The following NLRP7 variants were observed in gnomAD, a reference collection of about 807,000 sequenced individuals.
The protein encoded by NLRP7 is NACHT, LRR and PYD domains-containing protein 7.
In NLRP7, 72 loss-of-function variants were observed where a neutral mutation model predicts 85.5. The observed-to-expected ratio is 0.84, with a 90% CI of 0.70 to 1.02. NLRP7 has a LOEUF of 1.02. NLRP7 is among the 50% of genes least tolerant of loss of function. NLRP7 has a pLI of 0.00. For synonymous variants in NLRP7, 550 were observed against 505.2 expected, an observed-to-expected ratio of 1.09 and a Z score of -1.19; for missense variants, 1,243 against 1,219.5, an observed-to-expected ratio of 1.02 and a Z score of -0.29.
At chr19:54,937,787 C>T (rs11666059) in intron 5 of NLRP7, among the ~76,000 whole-genome samples, 364 of 150,390 alleles carry the variant, frequency 2.4e-3, no homozygotes, top group Non-Finnish European at 4.1e-3. Flanking sequence ...ATCCCAGCTA[C>T]TCGGGAGGCT....
chr19:54,957,928 G>A lies in NLRP7; in HGVS notation c.-77+8112C>T, dbSNP rs573319384. On this transcript the variant is annotated intron_variant, in intron 1 of 2. Coordinates refer to the NLRP7 transcript ENST00000587103. ...CCCAGTCTCTATTTAAAAAAGATGG[G>A]GAGGGGGCCGGGCACGGTGTCTCAC... Among the ~76,000 whole-genome samples, 52 of 152,162 alleles carry A rather than the reference G, an allele frequency of 3.4e-4. 3 individuals are homozygous for A. The South Asian group carries it at 1.0e-2, about 29-fold the overall frequency.
chr19:54,939,341 T>G (rs763964069), exon 4 of NLRP7: 1 of 1,613,982 alleles, frequency 6.2e-7, no homozygotes, highest in Non-Finnish European at 8.5e-7. Context: ...GTCCCAGGCG[T>G]GGCCGTCCCT....
At chr19:54,929,977 C>T (rs1045142761) in intron 9 of NLRP7, among the ~76,000 whole-genome samples, 5 of 151,162 alleles carry the variant, frequency 3.3e-5, no homozygotes, top group Admixed American at 1.3e-4. Flanking sequence ...TAGCCAGGCA[C>T]GGTGGCGGGC....
At chr19:54,938,094 C>G (rs748992976) in exon 5 of NLRP7, 10 of 1,613,972 alleles carry the variant, frequency 6.2e-6, no homozygotes, top group Non-Finnish European at 8.5e-6. Flanking sequence ...CACAAAGAAT[C>G]CGCACAGAAG....
upstream of NLRP7, among the ~76,000 whole-genome samples, chr19:54,950,599 T>A (rs2069636335): frequency 6.6e-6 from 1 of 152,180 alleles, no homozygotes; most frequent in Non-Finnish European, 1.5e-5. Flanking sequence ...GCTTTAGATA[T>A]GCATACACAT....
In NLRP7 at chr19:54,941,753, G is replaced by C; in HGVS notation, c.-39-3C>G. Reference sequence around the variant, plus strand: ...GACCTTAGGTTAAGGCTGAAGAACTGGGGGGAAAAAAGGAAAAACAGTTCA... The same window carrying C: ...GACCTTAGGTTAAGGCTGAAGAACTCGGGGGAAAAAAGGAAAAACAGTTCA... On this transcript the variant is annotated splice_polypyrimidine_tract_variant and splice_region_variant and intron_variant, in intron 1 of 9. Coordinates refer to ENST00000340844, the Ensembl canonical transcript of NLRP7. 6.3e-7 allele frequency: 1 copy of C among 1,581,794 alleles called. No individual in the cohort carries two copies. The highest frequency in any genetic ancestry group is 8.6e-7 in the Non-Finnish European group (1 of 1,167,612).
At chr19:54,951,812 G>A (rs533006152), upstream of NLRP7, among the ~76,000 whole-genome samples, 117 of 151,606 alleles carry the variant, frequency 7.7e-4, no homozygotes, top group Middle Eastern at 3.4e-3. Context: ...GGGCAGTGGC[G>A]CAATCTCTGC....
exon 2 of NLRP7, chr19:54,941,723 T>G: frequency 6.2e-7 from 1 of 1,610,484 alleles, no homozygotes; most frequent in Non-Finnish European, 8.5e-7. Context: ...GTGCTCCGAG[T>G]ATGAGACCTT....
exon 5 of NLRP7, chr19:54,938,151 G>C (rs751834835): frequency 1.7e-5 from 28 of 1,613,962 alleles, no homozygotes; most frequent in Non-Finnish European, 2.2e-5. Context: ...TGAGGTTGCT[G>C]TTTGAGCTGA....
upstream of NLRP7, among the ~76,000 whole-genome samples, chr19:54,951,315 G>A (rs1408108806): frequency 6.6e-6 from 1 of 151,580 alleles, no homozygotes; most frequent in Admixed American, 6.6e-5. Context: ...GGGAGGCTGA[G>A]GCAGATGGAT....
At position 54,962,806 on chromosome 19, in the gene NLRP7, A is replaced by G. The variant is rs374308266; in HGVS notation, c.-77+3234T>C. On this transcript the variant is annotated intron_variant, in intron 1 of 2. Coordinates refer to the NLRP7 transcript ENST00000587103. Reference sequence around the variant, plus strand: ...AGTAGAGACGGGGTTTCACCGTGTTAGCCAGGATGGTCTCCATCTCCTGAC... The same window carrying G: ...AGTAGAGACGGGGTTTCACCGTGTTGGCCAGGATGGTCTCCATCTCCTGAC... 6.0e-4 allele frequency among the ~76,000 whole-genome samples: 88 copies of G among 146,824 alleles called. 1 individual carries two copies. In the East Asian group the frequency reaches 0.015, roughly 25 times the overall value.
Position 54,939,318 on chromosome 19 carries a change from G to C in NLRP7, c.1501C>G (p.Gln501Glu), listed in dbSNP as rs1324076683. 2.5e-6 allele frequency: 4 copies of C among 1,614,002 alleles called. No homozygotes were observed. The highest frequency in any genetic ancestry group is 3.4e-6 in the Non-Finnish European group (4 of 1,179,978). The change falls in exon 4 of 10, where the codon CAG (glutamine) becomes GAG (glutamate). Residue 501 changes from glutamine (Q) to glutamate (E), a missense_variant. Gln to Glu is a conservative substitution (Grantham distance 29). Coordinates refer to ENST00000340844, the Ensembl canonical transcript of NLRP7. ...CTTTCTTCTCCGGAAAGCAGCTTCT[G>C]TACGTCCCCGATGTCCCAGGCGTGG...
intron 9 of NLRP7, 119 bp from the exon 10 acceptor site, chr19:54,927,894 C>T: frequency 1.2e-6 from 1 of 842,282 alleles, no homozygotes; most frequent in Non-Finnish European, 2.0e-6. Context: ...GTGTTCGAGA[C>T]CAGCCTTGCC....
intron 1 of NLRP7, among the ~76,000 whole-genome samples, chr19:54,964,128 C>A (rs2070192455): frequency 6.6e-6 from 1 of 150,932 alleles, no homozygotes; most frequent in South Asian, 2.1e-4. Flanking sequence ...ATCCACCCGC[C>A]TTGGCCTCCC....
rs1341138985 is a variant in NLRP7, at chr19:54,940,455, C to A, written c.364G>T (p.Gly122Ter). 1 of 1,613,920 alleles carries A rather than the reference C, an allele frequency of 6.2e-7. No individual in the cohort carries two copies. The change falls in exon 4 of 10, where the codon GGA (glycine) becomes TGA (stop). Residue 122 changes from glycine to a stop codon, truncating the protein, a stop_gained. Transcript: ENST00000340844. LOFTEE classifies it high-confidence loss of function. The stretch of plus-strand genomic sequence containing the variant: ...TGTTTCTCCATTGAATTTCTCCATC[C>A]TTCCTTTTCACCTGCAGTGACAGCC...
At position 54,934,828 on chromosome 19, in the gene NLRP7, GC is replaced by G. The variant is rs1423249986; in HGVS notation, c.2301-170del. Among the ~76,000 whole-genome samples the G allele has an allele frequency of 6.6e-6, 1 of 152,002 alleles. No individual in the cohort carries two copies. The highest frequency in any genetic ancestry group is 1.5e-5 in the Non-Finnish European group (1 of 67,998). ...GGGTTCAAGCTATTCTCCTGCCTCAGCCTCCGAAGTAGCTGGGATTACAGGC... is the reference window on the plus strand; with the variant it reads ...GGGTTCAAGCTATTCTCCTGCCTCAGCTCCGAAGTAGCTGGGATTACAGGC... On this transcript the variant is annotated intron_variant, in intron 6 of 9. Transcript: ENST00000340844. The surrounding 1 kb of genome is among the most constrained non-coding windows in gnomAD (Gnocchi z 6.7).
chr19:54,935,545 C>T (rs1425180133), intron 6 of NLRP7, among the ~76,000 whole-genome samples: 1 of 151,820 alleles, frequency 6.6e-6, no homozygotes, highest in Non-Finnish European at 1.5e-5. Flanking sequence ...AAAATACAAA[C>T]ATTTGCCAGG....
At chr19:54,961,290 C>G (rs1211774394) in intron 1 of NLRP7, among the ~76,000 whole-genome samples, 1 of 151,956 alleles carries the variant, frequency 6.6e-6, no homozygotes, top group Admixed American at 6.6e-5. Flanking sequence ...GCAGGTGGAT[C>G]ACCCGAGGTC....
chr19:54,965,526 G>A (rs1282557858), intron 1 of NLRP7: 1 of 97,260 alleles, frequency 1.0e-5, no homozygotes, highest in Admixed American at 1.0e-4. Flanking sequence ...CGCGATCTCT[G>A]CTCACTGCAA....
Sources: gnomAD v4.1 joint callset for allele counts (sites outside exome capture counted in the v4.1 genomes callset) on GRCh38, gnomAD v4.1.1 for gene constraint, Gnocchi (gnomAD v3.1) non-coding constraint, MANE v1.5 for transcripts, NCBI Gene and HGNC (gene_info 2026-07-23, HGNC 2026-07-21) for gene names.